CCDC14: variants seen among roughly 807,000 people sequenced by gnomAD.
The protein encoded by CCDC14 is coiled-coil domain containing 14, also known as coiled-coil domain-containing protein 14.
A neutral mutation model predicts 81.4 loss-of-function variants in CCDC14; 71 were observed. The ratio of observed to expected loss-of-function variants is 0.87; its 90% CI spans 0.72 to 1.06. The LOEUF (loss-of-function observed/expected upper bound fraction) is 1.06, where lower values mean the gene tolerates loss of function less well. CCDC14 is among the 50% of genes least tolerant of loss of function. CCDC14 has a pLI of 0.00. For synonymous variants in CCDC14, 332 were observed against 364.8 expected, an observed-to-expected ratio of 0.91 and a Z score of 1.03; for missense variants, 1,046 against 1,047.3, an observed-to-expected ratio of 1.00 and a Z score of 0.02.
At chr3:123,930,259 G>A (rs967619837) in intron 12 of CCDC14, among the ~76,000 whole-genome samples, 2 of 152,086 alleles carry the variant, frequency 1.3e-5, no homozygotes, top group South Asian at 4.1e-4. Flanking sequence ...TTCCCTACAA[G>A]TTTATCATTC....
At chr3:123,952,496 T>A (rs2682197) in intron 5 of CCDC14, 31,619 of 348,994 alleles carry the variant, frequency 0.091, 3,855 homozygotes, top group East Asian at 0.39. Flanking sequence ...AAAATACATA[T>A]TTTTTTTAAA....
At chr3:123,912,577 A>C (rs2034472964), downstream of CCDC14, among the ~76,000 whole-genome samples, 1 of 152,046 alleles carries the variant, frequency 6.6e-6, no homozygotes, top group African/African-American at 2.4e-5. Context: ...CTCCTTTTTC[A>C]CTTTTATTGC....
intron 5 of CCDC14, among the ~76,000 whole-genome samples, chr3:123,951,361 C>G (rs2037012451): frequency 6.6e-6 from 1 of 152,114 alleles, no homozygotes; most frequent in African/African-American, 2.4e-5. Context: ...AACATGTCCC[C>G]TCTGAGATGA....
chr3:123,885,461 T>G, the CCDC14 span, among the ~76,000 whole-genome samples: 3 of 138,300 alleles, frequency 2.2e-5, no homozygotes, highest in East Asian at 6.3e-4. Context: ...AGGGTGCACC[T>G]TACCCCTCCC....
chr3:123,942,974 A>G (rs1341433007), intron 9 of CCDC14, among the ~76,000 whole-genome samples: 1 of 152,064 alleles, frequency 6.6e-6, no homozygotes, highest in Non-Finnish European at 1.5e-5. Context: ...GTGGGGCTAC[A>G]CGAGTGCTTA....
intron 8 of CCDC14, among the ~76,000 whole-genome samples, chr3:123,946,304 A>T (rs1006571845): frequency 7.9e-5 from 12 of 152,034 alleles, no homozygotes; most frequent in Admixed American, 5.9e-4. Flanking sequence ...AAACACCTTG[A>T]TTTAAGAAAA....
chr3:123,928,591 G>C (rs1231550713), intron 12 of CCDC14, among the ~76,000 whole-genome samples: 2 of 152,082 alleles, frequency 1.3e-5, no homozygotes, highest in African/African-American at 4.8e-5. Context: ...TGTCAATGTG[G>C]ATATTTAGCA....
intron 12 of CCDC14, among the ~76,000 whole-genome samples, chr3:123,922,398 A>T (rs2035099740): frequency 6.6e-6 from 1 of 152,186 alleles, no homozygotes. Flanking sequence ...TAGAGACTAG[A>T]AAAACAATAG....
At chr3:123,950,300 A>G (rs2036930287) in intron 5 of CCDC14, among the ~76,000 whole-genome samples, 1 of 152,226 alleles carries the variant, frequency 6.6e-6, no homozygotes, top group African/African-American at 2.4e-5. Context: ...ACACCAATAG[A>G]AATGAGTGCT....
At chr3:123,959,268 G>C (rs1038600739) in intron 1 of CCDC14, among the ~76,000 whole-genome samples, 1 of 152,130 alleles carries the variant, frequency 6.6e-6, no homozygotes, top group Non-Finnish European at 1.5e-5. Flanking sequence ...CAGTGTACAA[G>C]GGTTCCAATT....
At chr3:123,901,903 T>C (rs1223133670) in intron 5 of CCDC14, among the ~76,000 whole-genome samples, 1 of 152,020 alleles carries the variant, frequency 6.6e-6, no homozygotes, top group Non-Finnish European at 1.5e-5. Flanking sequence ...CCAACAAACA[T>C]ATGAATATGA....
chr3:123,895,359 G>A (rs1036895960), downstream of CCDC14, among the ~76,000 whole-genome samples: 1 of 152,130 alleles, frequency 6.6e-6, no homozygotes, highest in African/African-American at 2.4e-5. Flanking sequence ...AAGACAGTAA[G>A]ATGTCACAAT....
chr3:123,899,489 C>T (rs2034138005), intron 5 of CCDC14, among the ~76,000 whole-genome samples: 1 of 152,236 alleles, frequency 6.6e-6, no homozygotes, highest in Non-Finnish European at 1.5e-5. Context: ...GCCCAGCCTC[C>T]TGGCTCCCAG....
At chr3:123,955,695 T>C (rs888019768) in intron 5 of CCDC14, 148 bp downstream of exon 5, 8 of 603,468 alleles carry the variant, frequency 1.3e-5, no homozygotes, top group African/African-American at 1.9e-5. Context: ...ACTCAGTGAT[T>C]AGAAGCTGAA....
At chr3:123,905,651 A>G (rs1444270744) in intron 5 of CCDC14, among the ~76,000 whole-genome samples, 1 of 152,220 alleles carries the variant, frequency 6.6e-6, no homozygotes, top group African/African-American at 2.4e-5. Context: ...CCACCACCTC[A>G]CATCACATAC....
chr3:123,918,481 C>G (rs1394867800), intron 12 of CCDC14, among the ~76,000 whole-genome samples: 1 of 152,162 alleles, frequency 6.6e-6, no homozygotes, highest in Non-Finnish European at 1.5e-5. Flanking sequence ...GACAAGTACA[C>G]CTTCATGAAT....
In CCDC14 at chr3:123,940,148, C is replaced by T. The variant is rs1026255284; in HGVS notation, c.1343+4701G>A. Among the ~76,000 whole-genome samples, 3 of 151,618 alleles carry T rather than the reference C, an allele frequency of 2.0e-5. No homozygotes were observed. The East Asian group carries it at 5.8e-4, about 29-fold the overall frequency. The stretch of plus-strand genomic sequence containing the variant: ...AAACAGAAAGACTTAGGGAAAAAAA[C>T]CTAAAAGCCCAAAAAACAACAAAAC... On this transcript the variant is annotated intron_variant, in intron 9 of 12. Transcript: ENST00000409697.
At chr3:123,941,140 T>C (rs1356816584) in intron 9 of CCDC14, among the ~76,000 whole-genome samples, 1 of 151,968 alleles carries the variant, frequency 6.6e-6, no homozygotes, top group Non-Finnish European at 1.5e-5. Context: ...CTGGAGGTAA[T>C]ACCCACCAAA....
At position 123,908,085 on chromosome 3, in the gene CCDC14, A is replaced by T. The variant is rs375429560; in HGVS notation, c.668-10472T>A. On this transcript the variant is annotated intron_variant, in intron 5 of 5. Transcript: ENST00000479903. Reference sequence around the variant, plus strand: ...TATAAAGACACTCTTCGAAATTAAAATAAGAAGAAAAATAAATATGGAGAG... The same window carrying T: ...TATAAAGACACTCTTCGAAATTAAATTAAGAAGAAAAATAAATATGGAGAG... 6.0e-4 allele frequency among the ~76,000 whole-genome samples: 92 copies of T among 152,294 alleles called. 2 individuals are homozygous for T. In the South Asian group the frequency reaches 0.011, roughly 18 times the overall value.
Sources: gnomAD v4.1 joint callset for allele counts (sites outside exome capture counted in the v4.1 genomes callset) on GRCh38, gnomAD v4.1.1 for gene constraint, MANE v1.5 for transcripts, NCBI Gene and HGNC (gene_info 2026-07-23, HGNC 2026-07-21) for gene names.